Variants in CEP63 observed in about 807,000 individuals in gnomAD.
CEP63 encodes the protein centrosomal protein of 63 kDa.
Under a neutral mutation model 89.1 loss-of-function variants are expected in CEP63, and 84 were observed. The ratio of observed to expected loss-of-function variants is 0.94; its 90% CI spans 0.79 to 1.13. The LOEUF (loss-of-function observed/expected upper bound fraction) is 1.13, where lower values mean the gene tolerates loss of function less well. CEP63 is among the 50% of genes most tolerant of loss of function. The pLI, the probability that CEP63 is intolerant of heterozygous loss-of-function variation, is 0.00. For missense variants in CEP63, 838 were observed against 813.3 expected (o/e 1.03, Z -0.37); for synonymous variants, 267 against 272.5 (o/e 0.98, Z 0.20).
the CEP63 span, among the ~76,000 whole-genome samples, chr3:134,716,285 G>A: frequency 6.6e-6 from 1 of 152,148 alleles, no homozygotes; most frequent in Non-Finnish European, 1.5e-5. Context: ...TTTAGGTTAG[G>A]GCTAGTGAGT....
chr3:134,607,631 A>C, the CEP63 span: 3 of 985,666 alleles, frequency 3.0e-6, no homozygotes, highest in Non-Finnish European at 3.6e-6. Context: ...CATAAGAGAC[A>C]ATCTTCCAGA....
At chr3:134,677,127 C>T in the CEP63 span, among the ~76,000 whole-genome samples, 1 of 152,044 alleles carries the variant, frequency 6.6e-6, no homozygotes, top group Non-Finnish European at 1.5e-5. Context: ...ATCCCAGCTA[C>T]TGAGGAAGCT....
the CEP63 span, among the ~76,000 whole-genome samples, chr3:134,754,536 G>A: frequency 2.6e-5 from 4 of 152,118 alleles, no homozygotes; most frequent in African/African-American, 9.7e-5. Flanking sequence ...AGGATGCCTT[G>A]CCTGATGATT....
Position 134,486,173 on chromosome 3 carries a change from G to T in CEP63, c.-55G>T. 1.0e-6 allele frequency: 1 copy of T among 985,572 alleles called. No individual in the cohort carries two copies. Among genetic ancestry groups the T allele is most frequent in the Non-Finnish European group, 1.2e-6 (1 of 830,004 alleles). 61.1% of individuals were successfully genotyped at this position (985,572 alleles called of 1,614,324 possible). On this transcript the variant is annotated 5_prime_UTR_variant, in exon 1 of 15. Coordinates refer to ENST00000675561, the MANE Select transcript of CEP63 (RefSeq NM_001353108.3). The stretch of plus-strand genomic sequence containing the variant: ...TACAGAGGCTGGACGTAAGCTTAGC[G>T]GTGGCGCGCGTGCGCAGCGCCGGCC...
At chr3:134,603,879 C>T in the CEP63 span, 2 of 1,614,034 alleles carry the variant, frequency 1.2e-6, no homozygotes, top group South Asian at 1.1e-5. Flanking sequence ...GCCAGTTCAC[C>T]TTGGTGTTGG....
the CEP63 span, among the ~76,000 whole-genome samples, chr3:134,745,830 C>T: frequency 1.1e-4 from 16 of 151,692 alleles, no homozygotes; most frequent in African/African-American, 2.2e-4. Flanking sequence ...TCGTTTCCAG[C>T]GTCACCCATG....
chr3:134,491,449 A>G (rs1937549549), intron 1 of CEP63, among the ~76,000 whole-genome samples: 1 of 152,144 alleles, frequency 6.6e-6, no homozygotes, highest in African/African-American at 2.4e-5. Context: ...ATATTTGGGT[A>G]ATTAACCGTT....
At chr3:134,723,573 A>T in the CEP63 span, among the ~76,000 whole-genome samples, 1 of 152,228 alleles carries the variant, frequency 6.6e-6, no homozygotes, top group Non-Finnish European at 1.5e-5. Context: ...TGACCAATAT[A>T]CTAGGAAAGA....
the CEP63 span, among the ~76,000 whole-genome samples, chr3:134,598,725 T>C: frequency 1.3e-5 from 2 of 152,208 alleles, no homozygotes; most frequent in African/African-American, 2.4e-5. Context: ...TCTAACTTAG[T>C]TATCTGGTTG....
chr3:134,595,200 G>A, the CEP63 span, among the ~76,000 whole-genome samples: 6 of 152,284 alleles, frequency 3.9e-5, no homozygotes, highest in East Asian at 7.7e-4. Context: ...TGCTGTTCTC[G>A]TGATAGTGAG....
chr3:134,704,766 C>G, the CEP63 span, among the ~76,000 whole-genome samples: 2 of 152,230 alleles, frequency 1.3e-5, no homozygotes, highest in Non-Finnish European at 2.9e-5. Context: ...ACTAGCTGGA[C>G]AAGCTGGGAC....
rs781702267 is a variant in CEP63 at position 134,546,133 on chromosome 3, T to A, written c.790-16T>A. The A allele has an allele frequency of 5.0e-6, 8 of 1,613,190 alleles. No homozygotes were observed. Among genetic ancestry groups the A allele is most frequent in the Admixed American group, 1.7e-5 (1 of 59,968 alleles). On this transcript the variant is annotated splice_polypyrimidine_tract_variant and intron_variant, in intron 7 of 14. Transcript: ENST00000675561. ...AAAAAGAAGGAAAATTATAATCATA[T>A]TTGACTTTTTTGCAGGCTCTGCAGG...
chr3:134,656,304 T>G, the CEP63 span, among the ~76,000 whole-genome samples: 2 of 151,800 alleles, frequency 1.3e-5, no homozygotes, highest in Non-Finnish European at 2.9e-5. Flanking sequence ...GAAGGAGTGA[T>G]GGAGGTGAAA....
chr3:134,738,862 A>C, the CEP63 span, among the ~76,000 whole-genome samples: 5 of 152,234 alleles, frequency 3.3e-5, no homozygotes. Flanking sequence ...GAATATATGC[A>C]AGTGGCCAAA....
upstream of CEP63, chr3:134,485,878 G>A (rs1576625287): frequency 3.7e-6 from 2 of 545,084 alleles, no homozygotes; most frequent in East Asian, 1.4e-4. Flanking sequence ...GGGAATAGGG[G>A]GAAGTCCGAC....
At chr3:134,524,352 C>T (rs1053570342) in intron 3 of CEP63, among the ~76,000 whole-genome samples, 2 of 152,202 alleles carry the variant, frequency 1.3e-5, no homozygotes, top group Non-Finnish European at 2.9e-5. Context: ...TTGACTTCCT[C>T]TCTTCCTATT....
Position 134,587,781 on chromosome 3 carries a change from G to A in CEP63, c.*141G>A, listed in dbSNP as rs542882467. Among the ~76,000 whole-genome samples the A allele has an allele frequency of 4.0e-5, 6 of 151,828 alleles. No homozygotes were observed. The South Asian group carries it at 1.3e-3, about 32-fold the overall frequency. On this transcript the variant is annotated 3_prime_UTR_variant, in exon 11 of 11. Coordinates refer to the CEP63 transcript ENST00000683931. ...ACCTGTCTTCTCCATCGATCACGCTGGGAGCTACAGACTGGAGCTGTTCCT... is the reference window on the plus strand; with the variant it reads ...ACCTGTCTTCTCCATCGATCACGCTAGGAGCTACAGACTGGAGCTGTTCCT...
chr3:134,774,439 T>G, the CEP63 span, among the ~76,000 whole-genome samples: 1 of 152,028 alleles, frequency 6.6e-6, no homozygotes, highest in African/African-American at 2.4e-5. Context: ...AGGAGAATCC[T>G]GTAAAATGAA....
At chr3:134,764,247 G>A in the CEP63 span, among the ~76,000 whole-genome samples, 1 of 152,130 alleles carries the variant, frequency 6.6e-6, no homozygotes, top group African/African-American at 2.4e-5. Flanking sequence ...CCAAGTTCAG[G>A]TTGGGTTTGC....
Sources: gnomAD v4.1 joint callset for allele counts (sites outside exome capture counted in the v4.1 genomes callset) on GRCh38, gnomAD v4.1.1 for gene constraint, MANE v1.5 for transcripts, NCBI Gene and HGNC (gene_info 2026-07-23, HGNC 2026-07-21) for gene names.